NOTCH2NLB: variants seen among roughly 807,000 people sequenced by gnomAD.
NOTCH2NLB encodes notch 2 N-terminal like B.
In NOTCH2NLB, 1 loss-of-function variant was observed where a neutral mutation model predicts 14.8. The ratio of observed to expected loss-of-function variants is 0.07; its 90% CI spans 0.02 to 0.32. The LOEUF is 0.32. NOTCH2NLB is among the 10% of genes least tolerant of loss of function. NOTCH2NLB has a pLI of 1.00. For synonymous variants in NOTCH2NLB, 6 were observed against 57.5 expected, an observed-to-expected ratio of 0.10 and a Z score of 4.05; for missense variants, 11 against 155.0, an observed-to-expected ratio of 0.07 and a Z score of 4.93.
chr1:148,703,258 C>G, the NOTCH2NLB span, among the ~76,000 whole-genome samples: 2 of 125,788 alleles, frequency 1.6e-5, no homozygotes, highest in African/African-American at 2.7e-5. Context: ...CCACTGCACT[C>G]CAGCCTGGGC....
chr1:148,679,791 C>T (rs1664901432), upstream of NOTCH2NLB: 4 of 374,856 alleles, frequency 1.1e-5, no homozygotes, highest in African/African-American at 2.4e-5. Context: ...TGTGTCCTTC[C>T]GCCTCAGCCG....
chr1:148,602,285 A>AG (rs1204415392), downstream of NOTCH2NLB, among the ~76,000 whole-genome samples: 2 of 73,546 alleles, frequency 2.7e-5, no homozygotes, highest in African/African-American at 1.5e-4. Flanking sequence ...AAAAAAGAAA[A>AG]GAAAAGAAAA....
intron 1 of NOTCH2NLB, among the ~76,000 whole-genome samples, chr1:148,651,163 A>ATATATATATG (rs1664502445): frequency 2.7e-5 from 1 of 36,742 alleles, no homozygotes; most frequent in Non-Finnish European, 5.8e-5. Flanking sequence ...AAAAAAAAAA[A>ATATATATATG]TATATATATA....
the NOTCH2NLB span, among the ~76,000 whole-genome samples, chr1:148,694,077 TA>T: frequency 7.5e-6 from 1 of 134,218 alleles, no homozygotes; most frequent in South Asian, 2.8e-4. Flanking sequence ...TTTTCCTGAA[TA>T]TTTCCCTGTT....
chr1:148,702,066 C>T, the NOTCH2NLB span, among the ~76,000 whole-genome samples: 2 of 101,332 alleles, frequency 2.0e-5, no homozygotes, highest in Non-Finnish European at 4.3e-5. Context: ...CCTGGAGCAA[C>T]CTCTCCTGGT....
At chr1:148,670,579 A>T (rs1211977963) in intron 1 of NOTCH2NLB, among the ~76,000 whole-genome samples, 1,025 of 101,912 alleles carry the variant, frequency 0.01, 3 homozygotes, top group African/African-American at 0.017. Flanking sequence ...TATATATATA[A>T]ATAAATCAAC....
intron 1 of NOTCH2NLB, among the ~76,000 whole-genome samples, chr1:148,661,328 T>C (rs1282041294): frequency 6.7e-6 from 1 of 149,964 alleles, no homozygotes; most frequent in African/African-American, 2.4e-5. Context: ...AATTCCAAGG[T>C]CTATTCCTCC....
intron 1 of NOTCH2NLB, among the ~76,000 whole-genome samples, chr1:148,670,579 AAT>A (rs1664757597): frequency 9.5e-6 from 1 of 104,728 alleles, no homozygotes. Context: ...TATATATATA[AAT>A]AAATCAACAG....
the NOTCH2NLB span, among the ~76,000 whole-genome samples, chr1:148,703,033 C>A: frequency 3.2e-4 from 11 of 34,296 alleles, no homozygotes; most frequent in African/African-American, 9.9e-4. Context: ...ATGGCGTGAA[C>A]CCCAGGGGGT....
intron 1 of NOTCH2NLB, among the ~76,000 whole-genome samples, chr1:148,676,443 G>A: frequency 2.9e-5 from 1 of 34,002 alleles, no homozygotes; most frequent in Admixed American, 2.9e-4. Flanking sequence ...AGAATCACCT[G>A]TAAACCTTGA....
chr1:148,638,239 G>A (rs1453640094), intron 2 of NOTCH2NLB, among the ~76,000 whole-genome samples: 5 of 148,774 alleles, frequency 3.4e-5, no homozygotes, highest in South Asian at 2.1e-4. Flanking sequence ...TGTGCATGAC[G>A]GTATCTACTT....
the NOTCH2NLB span, among the ~76,000 whole-genome samples, chr1:148,688,096 AAC>A: frequency 0.41 from 54,542 of 134,478 alleles, 7,661 homozygotes; most frequent in African/African-American, 0.6. Context: ...CAACAACAAC[AAC>A]AAAAAAAAAA....
chr1:148,638,724 G>GA (rs1266112736), intron 2 of NOTCH2NLB, among the ~76,000 whole-genome samples: 7 of 147,890 alleles, frequency 4.7e-5, no homozygotes, highest in South Asian at 2.1e-4. Flanking sequence ...TTTCTGACTT[G>GA]AAAAAAAAAT....
intron 1 of NOTCH2NLB, among the ~76,000 whole-genome samples, chr1:148,650,983 C>CA (rs1320716306): frequency 1.7e-4 from 16 of 96,754 alleles, no homozygotes; most frequent in East Asian, 1.4e-3. Flanking sequence ...ACTAAAAGTA[C>CA]AAAAAAAAAA....
chr1:148,685,547 C>G, the NOTCH2NLB span, among the ~76,000 whole-genome samples: 2 of 152,234 alleles, frequency 1.3e-5, no homozygotes, highest in Non-Finnish European at 2.9e-5. Flanking sequence ...GTGCACAGGC[C>G]AGGCACAATG....
intron 1 of NOTCH2NLB, among the ~76,000 whole-genome samples, chr1:148,651,162 AATATATATAT>A (rs1218372509): frequency 0.033 from 1,480 of 45,526 alleles, 2 homozygotes; most frequent in Non-Finnish European, 0.048. Context: ...AAAAAAAAAA[AATATATATAT>A]ATATATATAT....
intron 2 of NOTCH2NLB, among the ~76,000 whole-genome samples, chr1:148,628,344 T>C (rs1436400115): frequency 1.7e-5 from 2 of 115,462 alleles, no homozygotes; most frequent in Non-Finnish European, 3.3e-5. Context: ...TTAAAGAAGA[T>C]CTCTAGAAAG....
chr1:148,615,082 G>A (rs1663772029), intron 3 of NOTCH2NLB, among the ~76,000 whole-genome samples: 1 of 130,098 alleles, frequency 7.7e-6, no homozygotes, highest in African/African-American at 2.6e-5. Flanking sequence ...TTCCTCTGGT[G>A]ACAGTGTACT....
downstream of NOTCH2NLB, among the ~76,000 whole-genome samples, chr1:148,604,967 A>T (rs1167813248): frequency 3.0e-4 from 44 of 146,526 alleles, 3 homozygotes; most frequent in Middle Eastern, 3.6e-3. Flanking sequence ...ACACACACAC[A>T]CACACACACA....
Sources: allele counts gnomAD v4.1 joint callset (sites outside exome capture counted in the v4.1 genomes callset), GRCh38; gene constraint gnomAD v4.1.1; transcripts MANE v1.5; gene names NCBI Gene and HGNC (gene_info 2026-07-23, HGNC 2026-07-21).